Variants in ADORA2A observed in about 807,000 individuals in gnomAD.
ADORA2A encodes adenosine receptor A2a.
ADORA2A carries 11 observed loss-of-function variants against 18.4 expected under a neutral mutation model. That is an observed-to-expected ratio of 0.60 (90% CI 0.38 to 0.99). The LOEUF (loss-of-function observed/expected upper bound fraction) is 0.99. Ranked by LOEUF, ADORA2A falls within the 50% of genes least tolerant of loss-of-function variation. The probability of loss-of-function intolerance (pLI) is 0.01; values close to 1 mark genes in which losing one functional copy is unlikely to be tolerated. For synonymous variants in ADORA2A, 218 were observed against 237.3 expected (o/e 0.92, Z 0.75); for missense variants, 449 against 556.1 (o/e 0.81, Z 1.94).
At chr22:24,428,532 G>A (rs1352589487) in intron 1 of ADORA2A, among the ~76,000 whole-genome samples, 2 of 152,304 alleles carry the variant, frequency 1.3e-5, no homozygotes, top group East Asian at 3.9e-4. Context: ...CGGTTCAGAA[G>A]TTCTCATTCT....
chr22:24,439,397 G>C (rs940164572), intron 2 of ADORA2A: 1 of 152,118 alleles, frequency 6.6e-6, no homozygotes, highest in African/African-American at 2.4e-5. Context: ...CTCGGAGCTG[G>C]CAATGCAGAG....
intron 1 of ADORA2A, 180 bp from the exon 2 acceptor site, chr22:24,432,951 G>T: frequency 5.2e-6 from 1 of 193,708 alleles, no homozygotes. Context: ...AGCAGACCAG[G>T]CAGGGCATGG....
chr22:24,430,438 G>C (rs927682038), intron 1 of ADORA2A: 1 of 153,714 alleles, frequency 6.5e-6, no homozygotes, highest in African/African-American at 2.4e-5. Context: ...TCGGTATCTA[G>C]TGCTGTTTAG....
chr22:24,440,805 T>C lies in ADORA2A; in HGVS notation c.555T>C (p.Cys185=), dbSNP rs1288203900. 6.2e-6 allele frequency: 10 copies of C among 1,614,216 alleles called. No individual in the cohort carries two copies. The highest frequency in any genetic ancestry group is 1.7e-5 in the Admixed American group (1 of 60,018). ...TGGTGTACTTCAACTTCTTTGCCTG[T>C]GTGCTGGTGCCCCTGCTGCTCATGC... The part of the protein sequence containing the change: ...NYMVYFNFFA[C]VLVPLLLMLG... Residue 185 remains cysteine (C), a synonymous_variant, in exon 3 of 3, where the codon TGT becomes TGC. Coordinates refer to ENST00000337539, the MANE Select transcript of ADORA2A (RefSeq NM_000675.6).
intron 2 of ADORA2A, among the ~76,000 whole-genome samples, chr22:24,435,010 GCTGTC>G (rs1401977287): frequency 6.6e-6 from 1 of 152,208 alleles, no homozygotes. Flanking sequence ...GCACCAGGTG[GCTGTC>G]CCTGTCACCT....
chr22:24,433,114 C>T lies in ADORA2A; in HGVS notation c.-274-17C>T, dbSNP rs113597765. ...CTCTGCAGATGGTTCAGCTTCTCATCGGCTGTCCCTTTGCAGGTGCCTCAG... is the reference window on the plus strand; with the variant it reads ...CTCTGCAGATGGTTCAGCTTCTCATTGGCTGTCCCTTTGCAGGTGCCTCAG... On this transcript the variant is annotated splice_polypyrimidine_tract_variant and intron_variant, in intron 1 of 2. Coordinates refer to ENST00000337539, the MANE Select transcript of ADORA2A (RefSeq NM_000675.6). 12 of 537,110 alleles carry T rather than the reference C, an allele frequency of 2.2e-5. No homozygotes were observed. Among genetic ancestry groups the T allele is most frequent in the African/African-American group, 1.3e-4 (7 of 52,830 alleles). 33.3% of individuals were successfully genotyped at this position (537,110 alleles called of 1,614,324 possible).
At chr22:24,431,428 G>A in intron 1 of ADORA2A, 1 of 456,776 alleles carries the variant, frequency 2.2e-6, no homozygotes, top group Non-Finnish European at 4.4e-6. Context: ...GGAGTTGGAG[G>A]GAAAGTTGGG....
chr22:24,434,651 TGA>T (rs2043129836), intron 2 of ADORA2A, among the ~76,000 whole-genome samples: 1 of 152,140 alleles, frequency 6.6e-6, no homozygotes, highest in East Asian at 1.9e-4. Context: ...TGGTGCCTCT[TGA>T]GAGTCAGGGA....
rs1601424275 is a variant in ADORA2A, at chr22:24,440,713, C to T, written c.463C>T (p.His155Tyr). The T allele has an allele frequency of 6.2e-7, 1 of 1,614,014 alleles. No individual in the cohort carries two copies. Among genetic ancestry groups the T allele is most frequent in the Non-Finnish European group, 8.5e-7 (1 of 1,179,970 alleles). The change falls in exon 3 of 3, where the codon CAC becomes TAC. Residue 155 changes from histidine to tyrosine, a missense_variant. His to Tyr is a moderately conservative substitution (Grantham distance 83). Transcript: ENST00000337539. ...CGGTCAGCCAAAGGAGGGCAAGAACCACTCCCAGGGCTGCGGGGAGGGCCA... is the reference window on the plus strand; with the variant it reads ...CGGTCAGCCAAAGGAGGGCAAGAACTACTCCCAGGGCTGCGGGGAGGGCCA... ...NCGQPKEGKN[H>Y]SQGCGEGQVA...
intron 1 of ADORA2A, chr22:24,431,670 C>T: frequency 2.7e-6 from 1 of 366,444 alleles, no homozygotes; most frequent in Non-Finnish European, 5.4e-6. Flanking sequence ...CTCATAGGGC[C>T]CCATGAGGGT....
At chr22:24,434,712 T>C (rs2043131267) in intron 2 of ADORA2A, among the ~76,000 whole-genome samples, 1 of 152,144 alleles carries the variant, frequency 6.6e-6, no homozygotes, top group African/African-American at 2.4e-5. Context: ...GGTGGGTGCC[T>C]ATCTAAAGAG....
At chr22:24,435,569 G>T (rs2043153584) in intron 2 of ADORA2A, among the ~76,000 whole-genome samples, 1 of 152,188 alleles carries the variant, frequency 6.6e-6, no homozygotes, top group African/African-American at 2.4e-5. Flanking sequence ...AGGATGTGCT[G>T]TGTGGCTATG....
upstream of ADORA2A, among the ~76,000 whole-genome samples, chr22:24,425,095 C>A (rs532380707): frequency 9.1e-4 from 139 of 152,214 alleles, no homozygotes; most frequent in African/African-American, 3.3e-3. Context: ...GTGCTCAGGC[C>A]GCCTCCACCC....
upstream of ADORA2A, among the ~76,000 whole-genome samples, chr22:24,425,349 C>G (rs531097812): frequency 5.4e-4 from 75 of 140,136 alleles, 5 homozygotes; most frequent in African/African-American, 1.6e-3. Context: ...CCCCCCCCCC[C>G]CCGCCCAACA....
In ADORA2A at chr22:24,433,494, C is replaced by T. The variant is rs1396623148; in HGVS notation, c.90C>T (p.Ala30=). ...TGGGCAATGTGCTGGTGTGCTGGGCCGTGTGGCTCAACAGCAACCTGCAGA... is the reference window on the plus strand; with the variant it reads ...TGGGCAATGTGCTGGTGTGCTGGGCTGTGTGGCTCAACAGCAACCTGCAGA... ...AILGNVLVCW[A]VWLNSNLQNV... The change falls in exon 2 of 3, where the codon GCC becomes GCT. Residue 30 remains alanine, a synonymous_variant. Coordinates refer to ENST00000337539, the MANE Select transcript of ADORA2A (RefSeq NM_000675.6). 9 of 1,614,170 alleles carry T rather than the reference C, an allele frequency of 5.6e-6. No individual in the cohort carries two copies. The highest frequency in any genetic ancestry group is 4.5e-5 in the East Asian group (2 of 44,878).
At chr22:24,440,478 T>G in intron 2 of ADORA2A, 105 bp from the exon 3 acceptor site, 1 of 1,177,784 alleles carries the variant, frequency 8.5e-7, no homozygotes, top group South Asian at 1.5e-5. Flanking sequence ...GTCCAAGACC[T>G]TACAGTCAGG....
In ADORA2A at chr22:24,441,571, G is replaced by C. The variant is rs2043344963; in HGVS notation, c.*82G>C. 4.8e-5 allele frequency: 66 copies of C among 1,370,804 alleles called. No individual in the cohort carries two copies. Among genetic ancestry groups the C allele is most frequent in the Non-Finnish European group, 6.0e-5 (63 of 1,048,972 alleles). 84.9% of individuals were successfully genotyped at this position (1,370,804 alleles called of 1,614,324 possible). On this transcript the variant is annotated 3_prime_UTR_variant, in exon 3 of 3. Transcript: ENST00000337539. ...CTTGACCAGTCACGTTGGGAGAAGAGAGAGAGTGCCAGGAGACCCTGAGGG... is the reference window on the plus strand; with the variant it reads ...CTTGACCAGTCACGTTGGGAGAAGACAGAGAGTGCCAGGAGACCCTGAGGG...
intron 1 of ADORA2A, 134 bp downstream of exon 1, chr22:24,427,880 G>C (rs1379358981): frequency 6.6e-6 from 1 of 152,468 alleles, no homozygotes; most frequent in Non-Finnish European, 1.5e-5. Flanking sequence ...GGGCTGCTCT[G>C]TGAGGCAGGC....
At chr22:24,431,050 C>T (rs1437832149) in intron 1 of ADORA2A, 1 of 440,268 alleles carries the variant, frequency 2.3e-6, no homozygotes, top group Admixed American at 2.4e-5. Flanking sequence ...GTGAGTACTG[C>T]TCAGGGAGAG....
Sources: gnomAD v4.1 joint callset for allele counts (sites outside exome capture counted in the v4.1 genomes callset) on GRCh38, gnomAD v4.1.1 for gene constraint, MANE v1.5 for transcripts, NCBI Gene and HGNC (gene_info 2026-07-23, HGNC 2026-07-21) for gene names.